The following TSBP1 variants were observed in gnomAD, a reference collection of about 807,000 sequenced individuals.
TSBP1 encodes the protein testis-expressed basic protein 1.
A neutral mutation model predicts 68.8 loss-of-function variants in TSBP1; 56 were observed. The ratio of observed to expected loss-of-function variants is 0.81; its 90% CI spans 0.66 to 1.02. The LOEUF (loss-of-function observed/expected upper bound fraction) is 1.02. TSBP1 is among the 50% of genes least tolerant of loss of function. The probability of loss-of-function intolerance (pLI) is 0.00; values close to 1 mark genes in which losing one functional copy is unlikely to be tolerated. For synonymous variants in TSBP1, 171 were observed against 208.7 expected (o/e 0.82, Z 1.56); for missense variants, 502 against 641.2 (o/e 0.78, Z 2.34).
At position 32,337,667 on chromosome 6, in the gene TSBP1, C is replaced by A. The variant is rs1270204166; in HGVS notation, c.410-1032G>T. Among the ~76,000 whole-genome samples the A allele has an allele frequency of 6.6e-6, 1 of 151,948 alleles. No individual in the cohort carries two copies. Among genetic ancestry groups the A allele is most frequent in the Non-Finnish European group, 1.5e-5 (1 of 67,958 alleles). ...GTAACAGTCTTCTTCTTTATGACCA[C>A]ACACACACATACACATACACACACA... On this transcript the variant is annotated intron_variant, in intron 11 of 22. Coordinates refer to ENST00000612031, the Ensembl canonical transcript of TSBP1. The surrounding 1 kb of genome is among the most constrained non-coding windows in gnomAD (Gnocchi z 5.5).
chr6:32,323,538 A>T, intron 17 of TSBP1, 53 bp downstream of exon 18: 1 of 1,562,238 alleles, frequency 6.4e-7, no homozygotes, highest in African/African-American at 1.4e-5. Flanking sequence ...TAAGCCTTGC[A>T]GGGAACAACA....
chr6:32,359,832 C>A (rs769682629), intron 6 of TSBP1, among the ~76,000 whole-genome samples: 6 of 152,156 alleles, frequency 3.9e-5, no homozygotes, highest in Admixed American at 1.3e-4. Context: ...GAGTAGTTAG[C>A]ATTTGTGAGA....
At position 32,361,032 on chromosome 6, in the gene TSBP1, C is replaced by T. The variant is rs1416894316; in HGVS notation, c.217+5135G>A. Among the ~76,000 whole-genome samples the T allele has an allele frequency of 6.6e-6, 1 of 152,056 alleles. No individual in the cohort carries two copies. The highest frequency in any genetic ancestry group is 2.4e-5 in the African/African-American group (1 of 41,380). ...CTCCTAATGCTATCCCTCCCTGCTT[C>T]CCCCACCCCGCAACAGGCCCCAGTG... On this transcript the variant is annotated intron_variant, in intron 6 of 22. Transcript: ENST00000612031. This position sits in a 1 kb window ranked among gnomAD's most constrained non-coding sequence, Gnocchi z 4.3.
In TSBP1 at chr6:32,316,430, A is replaced by G. The variant is rs981983205; in HGVS notation, c.560-638T>C. 8 of 1,550,488 alleles carry G rather than the reference A, an allele frequency of 5.2e-6. No homozygotes were observed. The highest frequency in any genetic ancestry group is 6.1e-6 in the Non-Finnish European group (7 of 1,146,146). ...GCCAGCTGACCTAAAAAAATTAGATATCAGTGAAGATTTGTTTGAAAGGAG... is the reference window on the plus strand; with the variant it reads ...GCCAGCTGACCTAAAAAAATTAGATGTCAGTGAAGATTTGTTTGAAAGGAG... On this transcript the variant is annotated intron_variant, in intron 18 of 22. Coordinates refer to ENST00000612031, the Ensembl canonical transcript of TSBP1. The surrounding 1 kb of genome is among the most constrained non-coding windows in gnomAD (Gnocchi z 4.5).
Position 32,339,599 on chromosome 6 carries a change from C to T in TSBP1, c.388+1G>A, listed in dbSNP as rs762059585. On this transcript the variant is annotated splice_donor_variant, in intron 10 of 22. Coordinates refer to ENST00000612031, the Ensembl canonical transcript of TSBP1. LOFTEE classifies it high-confidence loss of function. ...CTGAGTTGTATATATGGGAAACTTA[C>T]AAGGAGGTTCTTCAGTTGTTTGTAA... 1 of 1,281,570 alleles carries T rather than the reference C, an allele frequency of 7.8e-7. No homozygotes were observed. The highest frequency in any genetic ancestry group is 1.2e-5 in the South Asian group (1 of 80,408). 79.4% of individuals were successfully genotyped at this position (1,281,570 alleles called of 1,614,324 possible).
intron 14 of TSBP1, among the ~76,000 whole-genome samples, chr6:32,334,159 T>A (rs2127602576): frequency 6.6e-6 from 1 of 152,342 alleles, no homozygotes; most frequent in Non-Finnish European, 1.5e-5. Flanking sequence ...TTTTTGTACC[T>A]TTATTTTTAT....
chr6:32,365,366 G>T lies in TSBP1; in HGVS notation c.217+801C>A, dbSNP rs1430105055. ...GAGATGTTTCCTTTTGTTGTCCATG[G>T]TGGCTCATTTGGGGACTCAGCCTAG... On this transcript the variant is annotated intron_variant, in intron 6 of 22. Transcript: ENST00000612031. The surrounding 1 kb of genome is among the most constrained non-coding windows in gnomAD (Gnocchi z 4.3). 1 of 457,274 alleles carries T rather than the reference G, an allele frequency of 2.2e-6. No homozygotes were observed. The highest frequency in any genetic ancestry group is 4.4e-6 in the Non-Finnish European group (1 of 227,108). The allele number at this position is 457,274 out of a possible 1,614,324, so 28.3% of individuals were successfully genotyped here. A position where few individuals can be genotyped will look rare whatever the true frequency, so the allele number is the denominator to read the frequency against.
At chr6:32,334,951 T>G (rs9405092) in intron 14 of TSBP1, among the ~76,000 whole-genome samples, 51,143 of 151,974 alleles carry the variant, frequency 0.34, 9,653 homozygotes, top group Middle Eastern at 0.52. Context: ...GGAGAACGGC[T>G]TGAACCCACG....
At chr6:32,369,832 A>T (rs1308576262) in intron 2 of TSBP1, 65 bp downstream of exon 2, 1 of 982,578 alleles carries the variant, frequency 1.0e-6, no homozygotes. Context: ...ACTCAGACTG[A>T]ATCTTGGCAT....
chr6:32,296,190 GT>G (rs529617518), intron 22 of TSBP1, among the ~76,000 whole-genome samples: 226 of 152,182 alleles, frequency 1.5e-3, no homozygotes, highest in African/African-American at 5.3e-3. Context: ...TGGACTTTTC[GT>G]TTTTTACATT....
rs1263311794 is a variant in TSBP1 at position 32,315,133 on chromosome 6, CATTTTGGA to C, written c.580+631_580+638del. Reference sequence around the variant, plus strand: ...AACTGAGATATGAGAACCAGATTTGCATTTTGGAAAACTAGGACACAGTGTGAAAGGTG... The same window carrying C: ...AACTGAGATATGAGAACCAGATTTGCAAACTAGGACACAGTGTGAAAGGTG... On this transcript the variant is annotated intron_variant, in intron 19 of 22. Transcript: ENST00000612031. The surrounding 1 kb of genome is among the most constrained non-coding windows in gnomAD (Gnocchi z 5.4). Among the ~76,000 whole-genome samples the C allele has an allele frequency of 2.0e-5, 3 of 152,164 alleles. No homozygotes were observed. The highest frequency in any genetic ancestry group is 4.4e-5 in the Non-Finnish European group (3 of 68,032).
chr6:32,326,984 C>T (rs1010347082), intron 16 of TSBP1, among the ~76,000 whole-genome samples: 1 of 152,192 alleles, frequency 6.6e-6, no homozygotes, highest in Non-Finnish European at 1.5e-5. Flanking sequence ...TTTCTTCTCC[C>T]TATTTCTGCC....
Position 32,340,878 on chromosome 6 carries a change from C to T in TSBP1, c.350-1240G>A, listed in dbSNP as rs139095267. On this transcript the variant is annotated intron_variant, in intron 9 of 22. Transcript: ENST00000612031. This position sits in a 1 kb window ranked among gnomAD's most constrained non-coding sequence, Gnocchi z 4.8. Reference sequence around the variant, plus strand: ...TGGCACAGTCTCGGCTCACTGCAACCTTCACCTCCTGGGTTGAAGTCATTC... The same window carrying T: ...TGGCACAGTCTCGGCTCACTGCAACTTTCACCTCCTGGGTTGAAGTCATTC... Among the ~76,000 whole-genome samples, 5,815 of 152,214 alleles carry T rather than the reference C, an allele frequency of 0.038. 317 individuals carry two copies. The highest frequency in any genetic ancestry group is 0.12 in the African/African-American group (4,975 of 41,512).
In TSBP1 at chr6:32,316,456, C is replaced by T. The variant is rs1284231112; in HGVS notation, c.560-664G>A. 2.0e-6 allele frequency: 3 copies of T among 1,527,964 alleles called. No homozygotes were observed. The highest frequency in any genetic ancestry group is 1.8e-6 in the Non-Finnish European group (2 of 1,127,440). 94.7% of individuals were successfully genotyped at this position (1,527,964 alleles called of 1,614,324 possible). On this transcript the variant is annotated intron_variant, in intron 18 of 22. Transcript: ENST00000612031. The surrounding 1 kb of genome is among the most constrained non-coding windows in gnomAD (Gnocchi z 4.5). ...TCAGTGAAGATTTGTTTGAAAGGAG[C>T]AAGTTTCCTTCTAGGGAGAGATATT...
intron 6 of TSBP1, among the ~76,000 whole-genome samples, chr6:32,362,778 A>G (rs2127653621): frequency 6.6e-6 from 1 of 152,344 alleles, no homozygotes; most frequent in Middle Eastern, 3.4e-3. Flanking sequence ...CAAGTCTTAC[A>G]TTAAAGTCTT....
intron 1 of TSBP1, among the ~76,000 whole-genome samples, chr6:32,370,816 G>A (rs1283731194): frequency 1.4e-5 from 2 of 146,022 alleles, no homozygotes; most frequent in African/African-American, 5.0e-5. Context: ...TGGTTATAAA[G>A]GGCAGTGGCT....
rs1471601100 is a variant in TSBP1 at position 32,333,099 on chromosome 6, C to T, written c.473-1045G>A. On this transcript the variant is annotated intron_variant, in intron 14 of 22. Coordinates refer to ENST00000612031, the Ensembl canonical transcript of TSBP1. The surrounding 1 kb of genome is among the most constrained non-coding windows in gnomAD (Gnocchi z 4.2). ...TCTCGGCTCACTGCAACCTCTGCCT[C>T]CTGGGTTCAAGCGATTCTCCTGCCT... is the stretch of plus-strand genomic sequence containing the variant. Among the ~76,000 whole-genome samples the T allele has an allele frequency of 1.3e-5, 2 of 151,988 alleles. No homozygotes were observed. Among genetic ancestry groups the T allele is most frequent in the Non-Finnish European group, 2.9e-5 (2 of 67,990 alleles).
chr6:32,331,843 C>T (rs565533654), intron 15 of TSBP1, among the ~76,000 whole-genome samples, 191 bp downstream of exon 16: 1 of 152,280 alleles, frequency 6.6e-6, no homozygotes, highest in African/African-American at 2.4e-5. Context: ...GTACAGCCGC[C>T]ACTCTCTCTG....
At chr6:32,328,745 G>T (rs557312732) in intron 16 of TSBP1, among the ~76,000 whole-genome samples, 3 of 151,446 alleles carry the variant, frequency 2.0e-5, no homozygotes, top group East Asian at 1.9e-4. Context: ...TAGAGACGGG[G>T]TTTCACCATG....
Sources: gnomAD v4.1 joint callset for allele counts (sites outside exome capture counted in the v4.1 genomes callset) on GRCh38, gnomAD v4.1.1 for gene constraint, Gnocchi (gnomAD v3.1) non-coding constraint, MANE v1.5 for transcripts, NCBI Gene and HGNC (gene_info 2026-07-23, HGNC 2026-07-21) for gene names.